The following KHDRBS2 variants were observed in gnomAD, a reference collection of about 807,000 sequenced individuals.
KHDRBS2 encodes KH domain-containing, RNA-binding, signal transduction-associated protein 2.
KHDRBS2 carries 26 observed loss-of-function variants against 44.3 expected under a neutral mutation model. That is an observed-to-expected ratio of 0.59 (90% CI 0.43 to 0.81). The LOEUF is 0.81. Ranked by LOEUF, KHDRBS2 falls within the 40% of genes least tolerant of loss-of-function variation. The pLI, the probability that KHDRBS2 is intolerant of heterozygous loss-of-function variation, is 0.00. For missense variants in KHDRBS2, 476 were observed against 433.1 expected (o/e 1.10, Z -0.88); for synonymous variants, 194 against 151.1 (o/e 1.28, Z -2.08).
chr6:61,687,582 C>T (rs956651554), intron 8 of KHDRBS2, among the ~76,000 whole-genome samples: 5 of 151,800 alleles, frequency 3.3e-5, no homozygotes, highest in Non-Finnish European at 2.9e-5. Context: ...ACTATCCTGC[C>T]TTTTTCTTGT....
chr6:62,073,400 T>C (rs1002362621), intron 2 of KHDRBS2, among the ~76,000 whole-genome samples: 2 of 151,684 alleles, frequency 1.3e-5, no homozygotes, highest in African/African-American at 4.8e-5. Context: ...AGGTTACTAC[T>C]AATGTCCCAG....
chr6:62,227,423 G>A lies in KHDRBS2; in HGVS notation c.92-50111C>T, dbSNP rs557539932. ...GCTTAGCAGCTTAAGGAGTTTTTGG[G>A]CTGAGACGATGGGGTTTTCTAAATA... On this transcript the variant is annotated intron_variant, in intron 1 of 8. Transcript: ENST00000281156. Among the ~76,000 whole-genome samples, 7 of 152,298 alleles carry A rather than the reference G, an allele frequency of 4.6e-5. No individual in the cohort carries two copies. In the South Asian group the frequency reaches 1.2e-3, roughly 27 times the overall value.
At chr6:62,129,414 G>A (rs913390555) in intron 2 of KHDRBS2, among the ~76,000 whole-genome samples, 2 of 152,064 alleles carry the variant, frequency 1.3e-5, no homozygotes, top group African/African-American at 4.8e-5. Flanking sequence ...AGGAACAAAA[G>A]GAATATGTCA....
chr6:61,766,033 G>A (rs1057082106), intron 6 of KHDRBS2, among the ~76,000 whole-genome samples: 4 of 151,896 alleles, frequency 2.6e-5, no homozygotes, highest in African/African-American at 7.2e-5. Context: ...CTATTTTTCT[G>A]AATAATTTGA....
intron 2 of KHDRBS2, among the ~76,000 whole-genome samples, chr6:62,069,452 A>AT (rs1044659335): frequency 6.6e-6 from 1 of 151,582 alleles, no homozygotes. Flanking sequence ...TCAAGTTATT[A>AT]TTTTTTTCTT....
At chr6:61,805,191 T>C (rs558371525) in intron 6 of KHDRBS2, among the ~76,000 whole-genome samples, 32 of 152,248 alleles carry the variant, frequency 2.1e-4, no homozygotes, top group African/African-American at 7.0e-4. Flanking sequence ...CTAAATCTTC[T>C]CTCTAAAGCT....
chr6:61,647,044 C>G, the KHDRBS2 span, among the ~76,000 whole-genome samples: 1 of 152,068 alleles, frequency 6.6e-6, no homozygotes, highest in Non-Finnish European at 1.5e-5. Flanking sequence ...GTCTTGAACT[C>G]CTGACCTCAG....
intron 2 of KHDRBS2, among the ~76,000 whole-genome samples, chr6:62,158,061 CT>C (rs1182448342): frequency 6.6e-6 from 1 of 152,170 alleles, no homozygotes; most frequent in Non-Finnish European, 1.5e-5. Context: ...CAAATCACAA[CT>C]TTTATTACCT....
chr6:61,722,635 C>T (rs1018058888), intron 7 of KHDRBS2, among the ~76,000 whole-genome samples: 1 of 152,038 alleles, frequency 6.6e-6, no homozygotes, highest in Admixed American at 6.6e-5. Context: ...AGCATTTCTT[C>T]TGATTTAGAC....
chr6:61,765,704 A>G (rs1416345975), intron 6 of KHDRBS2, among the ~76,000 whole-genome samples: 1 of 152,010 alleles, frequency 6.6e-6, no homozygotes, highest in Non-Finnish European at 1.5e-5. Context: ...ATCATAAAGC[A>G]TTGTTGAATT....
At chr6:62,084,935 T>C (rs538623481) in intron 2 of KHDRBS2, among the ~76,000 whole-genome samples, 3 of 152,140 alleles carry the variant, frequency 2.0e-5, no homozygotes, top group Non-Finnish European at 4.4e-5. Context: ...TTATGGCACA[T>C]GTAAATGAAT....
intron 2 of KHDRBS2, among the ~76,000 whole-genome samples, chr6:62,134,485 A>C (rs1562937223): frequency 6.6e-6 from 1 of 152,120 alleles, no homozygotes; most frequent in Non-Finnish European, 1.5e-5. Flanking sequence ...GTGGAAGAGA[A>C]ATGTGGTGTT....
intron 6 of KHDRBS2, chr6:61,813,901 T>C (rs927087616): frequency 2.0e-5 from 9 of 455,790 alleles, no homozygotes; most frequent in African/African-American, 1.8e-4. Flanking sequence ...GCCTCCATTA[T>C]TACTCCCTGC....
rs1177803224 is a variant in KHDRBS2, at chr6:62,249,606, A to AC, written c.91+36251dup. Reference sequence around the variant, plus strand: ...TAACTTAGGAAATATATAAAATACAACAAAAAAACTAACTTTCACATTTAC... The same window carrying AC: ...TAACTTAGGAAATATATAAAATACAACCAAAAAAACTAACTTTCACATTTAC... On this transcript the variant is annotated intron_variant, in intron 1 of 8. Transcript: ENST00000281156. Among the ~76,000 whole-genome samples, 3 of 152,142 alleles carry AC rather than the reference A, an allele frequency of 2.0e-5. No homozygotes were observed. In the East Asian group the frequency reaches 5.8e-4, roughly 30 times the overall value.
intron 2 of KHDRBS2, among the ~76,000 whole-genome samples, chr6:62,051,682 C>T (rs183738513): frequency 7.2e-5 from 11 of 151,900 alleles, no homozygotes; most frequent in Non-Finnish European, 1.2e-4. Flanking sequence ...AGGAAACAAT[C>T]GCCAAACTGG....
At chr6:61,648,624 A>C in the KHDRBS2 span, among the ~76,000 whole-genome samples, 1 of 152,198 alleles carries the variant, frequency 6.6e-6, no homozygotes, top group African/African-American at 2.4e-5. Flanking sequence ...TTTCAATAAT[A>C]TGTGGCAAAG....
chr6:62,109,523 C>T (rs72886129), intron 2 of KHDRBS2, among the ~76,000 whole-genome samples: 2,710 of 151,888 alleles, frequency 0.018, 51 homozygotes, highest in Non-Finnish European at 0.028. Flanking sequence ...ACAGATGACT[C>T]TCAACTGTGT....
the KHDRBS2 span, among the ~76,000 whole-genome samples, chr6:61,588,364 T>G: frequency 2.4e-3 from 373 of 152,314 alleles, 2 homozygotes; most frequent in African/African-American, 8.6e-3. Flanking sequence ...CTTTTGAGGT[T>G]GCAGAAATTT....
At chr6:62,060,621 CTCTCTCTCTCTCTA>C (rs2127325573) in intron 2 of KHDRBS2, among the ~76,000 whole-genome samples, 1 of 149,614 alleles carries the variant, frequency 6.7e-6, no homozygotes, top group South Asian at 2.1e-4. Context: ...CTCTCTCTCT[CTCTCTCTCTCTCTA>C]TATATATATA....
Sources: gnomAD v4.1 joint callset for allele counts (sites outside exome capture counted in the v4.1 genomes callset) on GRCh38, gnomAD v4.1.1 for gene constraint, MANE v1.5 for transcripts, NCBI Gene and HGNC (gene_info 2026-07-23, HGNC 2026-07-21) for gene names.